Variants in NOS3 observed in about 807,000 individuals in gnomAD.
NOS3 encodes nitric oxide synthase 3, also known as NOS type III.
NOS3 carries 98 observed loss-of-function variants against 144.9 expected under a neutral mutation model. The observed-to-expected ratio is 0.68, with a 90% CI of 0.57 to 0.80. The LOEUF is 0.80. Ranked by LOEUF, NOS3 falls within the 30% of genes least tolerant of loss-of-function variation. NOS3 has a pLI of 0.00. For synonymous variants in NOS3, 714 were observed against 702.4 expected (o/e 1.02, Z -0.26); for missense variants, 1,465 against 1,656.4 (o/e 0.88, Z 2.01).
At position 151,003,986 on chromosome 7, in the gene NOS3, AGTAGAATTGGTAGGTCATAGG is replaced by A. The variant is rs1795167779; in HGVS notation, c.1752+1688_1752+1708del. ...TATTTCTCTTGGGTAAATACCTAGG[AGTAGAATTGGTAGGTCATAGG>A]GTAGATGCATGTTTAATCTTTCACT... is the stretch of plus-strand genomic sequence containing the variant. On this transcript the variant is annotated intron_variant, in intron 14 of 26. Transcript: ENST00000297494. This position sits in a 1 kb window ranked among gnomAD's most constrained non-coding sequence, Gnocchi z 4.1. 3.1e-6 allele frequency: 1 copy of A among 321,186 alleles called. No individual in the cohort carries two copies. Among genetic ancestry groups the A allele is most frequent in the African/African-American group, 2.2e-5 (1 of 45,248 alleles). The allele number at this position is 321,186 out of a possible 1,614,324, so 19.9% of individuals were successfully genotyped here. A position where few individuals can be genotyped will look rare whatever the true frequency, so the allele number is the denominator to read the frequency against.
At position 151,007,190 on chromosome 7, in the gene NOS3, G is replaced by A. The variant is rs1458506311; in HGVS notation, c.2026G>A (p.Gly676Arg). ...GGACACACGGCTGGAGGAACTGGGC[G>A]GGGAGCGGCTGCTGCAGCTGGGCCA... ...AVDTRLEELG[G>R]ERLLQLGQGD... Residue 676 changes from glycine to arginine, a missense_variant, in exon 17 of 27, where the codon GGG (glycine) becomes AGG (arginine). Transcript: ENST00000297494. The A allele has an allele frequency of 6.2e-7, 1 of 1,613,034 alleles. No individual in the cohort carries two copies. The highest frequency in any genetic ancestry group is 8.5e-7 in the Non-Finnish European group (1 of 1,179,898).
At chr7:150,997,200 G>T (rs1802450334) in intron 5 of NOS3, among the ~76,000 whole-genome samples, 1 of 151,726 alleles carries the variant, frequency 6.6e-6, no homozygotes, top group Non-Finnish European at 1.5e-5. Flanking sequence ...GGGTGAGGAA[G>T]TCTAGACCTG....
intron 1 of NOS3, among the ~76,000 whole-genome samples, chr7:150,992,126 G>A (rs1430438943): frequency 6.8e-6 from 1 of 146,822 alleles, no homozygotes; most frequent in Admixed American, 6.8e-5. Flanking sequence ...TCCAGCCTGG[G>A]TGACAGAGCA....
intron 9 of NOS3, 106 bp downstream of exon 9, chr7:150,999,470 TC>T: frequency 1.6e-6 from 2 of 1,266,122 alleles, no homozygotes; most frequent in Non-Finnish European, 2.2e-6. Context: ...TCAGAGCAGG[TC>T]CAGGGTTGCC....
chr7:151,006,870 C>G lies in NOS3; in HGVS notation c.1821-19C>G, dbSNP rs1795213928. ...CCCCAGGGCCCTGTGACAACCTTGTCTTTGTCCTCTCTTGCCAGGAGTTAT... is the reference window on the plus strand; with the variant it reads ...CCCCAGGGCCCTGTGACAACCTTGTGTTTGTCCTCTCTTGCCAGGAGTTAT... On this transcript the variant is annotated intron_variant, in intron 15 of 26. Transcript: ENST00000297494. The G allele has an allele frequency of 2.5e-6, 4 of 1,596,178 alleles. No individual in the cohort carries two copies. Among genetic ancestry groups the G allele is most frequent in the Non-Finnish European group, 3.4e-6 (4 of 1,164,430 alleles).
chr7:150,996,425 CGCTGCCTGGGCTCCCT>C lies in NOS3; in HGVS notation c.294_309del (p.Cys99TyrfsTer21). 1 of 1,494,150 alleles carries C rather than the reference CGCTGCCTGGGCTCCCT, an allele frequency of 6.7e-7. No individual in the cohort carries two copies. The highest frequency in any genetic ancestry group is 8.9e-7 in the Non-Finnish European group (1 of 1,117,322). The allele number at this position is 1,494,150 out of a possible 1,614,324, so 92.6% of individuals were successfully genotyped here. On this transcript the variant is annotated frameshift_variant, in exon 4 of 27. Transcript: ENST00000297494. LOFTEE classifies it high-confidence loss of function. The stretch of plus-strand genomic sequence containing the variant: ...CCAGGATGGGCCCTGCACCCCAAGA[CGCTGCCTGGGCTCCCT>C]GGTATTTCCACGGAAACTACAGGGC...
At chr7:150,995,651 T>C (rs1388933665) in intron 3 of NOS3, among the ~76,000 whole-genome samples, 2 of 222 alleles carry the variant, frequency 9.0e-3, no homozygotes, top group Admixed American at 0.036. Context: ...TGCACCCCTC[T>C]TCCCTCTCCC....
intron 5 of NOS3, among the ~76,000 whole-genome samples, chr7:150,997,506 G>A (rs760824940): frequency 1.1e-4 from 16 of 152,140 alleles, no homozygotes; most frequent in Non-Finnish European, 2.1e-4. Context: ...CCACAGACTC[G>A]GGGCTGGCCT....
chr7:151,003,923 G>A lies in NOS3; in HGVS notation c.1752+1619G>A. On this transcript the variant is annotated intron_variant, in intron 14 of 26. Transcript: ENST00000297494. The surrounding 1 kb of genome is among the most constrained non-coding windows in gnomAD (Gnocchi z 4.1). ...GGGCTATTATGAATAAACCTGTTATGAACATTCTTGTACCCGGCTTTTGTG... is the reference window on the plus strand; with the variant it reads ...GGGCTATTATGAATAAACCTGTTATAAACATTCTTGTACCCGGCTTTTGTG... 3 of 343,956 alleles carry A rather than the reference G, an allele frequency of 8.7e-6. No homozygotes were observed. Among genetic ancestry groups the A allele is most frequent in the South Asian group, 6.6e-5 (3 of 45,338 alleles). 21.3% of individuals were successfully genotyped at this position (343,956 alleles called of 1,614,324 possible).
intron 17 of NOS3, among the ~76,000 whole-genome samples, chr7:151,008,256 T>G (rs905249458): frequency 2.6e-5 from 4 of 151,928 alleles, no homozygotes; most frequent in Non-Finnish European, 5.9e-5. Context: ...AAGGAAGAGA[T>G]ATAAGACTTC....
intron 10 of NOS3, 33 bp downstream of exon 10, chr7:151,000,632 G>T (rs1177234094): frequency 6.9e-7 from 1 of 1,454,834 alleles, no homozygotes; most frequent in African/African-American, 1.4e-5. Flanking sequence ...GGAAGGCAAA[G>T]GGTTTGCATA....
At position 150,996,614 on chromosome 7, in the gene NOS3, C is replaced by T. The variant is rs144900574; in HGVS notation, c.419+62C>T. 593 of 1,535,334 alleles carry T rather than the reference C, an allele frequency of 3.9e-4. 1 individual carries two copies. In the African/African-American group the frequency reaches 6.4e-3, roughly 17 times the overall value. Reference sequence around the variant, plus strand: ...CACTGAGGCCCCAGAAACCCCGTGACGACCTTCCCATGACCCCCTCCCTTC... The same window carrying T: ...CACTGAGGCCCCAGAAACCCCGTGATGACCTTCCCATGACCCCCTCCCTTC... On this transcript the variant is annotated intron_variant, in intron 4 of 26. Transcript: ENST00000297494.
At position 151,001,965 on chromosome 7, in the gene NOS3, G is replaced by T. The variant is rs558556558; in HGVS notation, c.1647G>T (p.Arg549=). Reference sequence around the variant, plus strand: ...TCTTCCGGAAGGCTTTTGATCCCCGGGTAGGGCTGAGCCCAGGGGAGCAGG... The same window carrying T: ...TCTTCCGGAAGGCTTTTGATCCCCGTGTAGGGCTGAGCCCAGGGGAGCAGG... ...GRLFRKAFDP[R]VLCMDEYDVV... is the part of the protein sequence containing the mutation. Residue 549 remains arginine, a splice_region_variant and synonymous_variant, in exon 13 of 27, where the codon CGG becomes CGT. Transcript: ENST00000297494. The T allele has an allele frequency of 6.2e-7, 1 of 1,613,404 alleles. No individual in the cohort carries two copies. The highest frequency in any genetic ancestry group is 1.7e-5 in the Admixed American group (1 of 60,026).
At chr7:151,000,662 G>A (rs1795069581) in intron 10 of NOS3, 63 bp downstream of exon 10, 1 of 1,107,426 alleles carries the variant, frequency 9.0e-7, no homozygotes, top group Non-Finnish European at 1.4e-6. Context: ...CAGGGGCGGG[G>A]GATGGAGGAG....
chr7:151,002,444 ACACACAC>A lies in NOS3; in HGVS notation c.1752+141_1752+147del, dbSNP rs1795130402. The A allele has an allele frequency of 2.2e-6, 1 of 463,162 alleles. No homozygotes were observed. Among genetic ancestry groups the A allele is most frequent in the Non-Finnish European group, 3.9e-6 (1 of 258,090 alleles). 28.7% of individuals were successfully genotyped at this position (463,162 alleles called of 1,614,324 possible). ...CACACACACACACACACACACACACACACACACACGCCAGGATGGAAAGGGAGATGCT... is the reference window on the plus strand; with the variant it reads ...CACACACACACACACACACACACACAACGCCAGGATGGAAAGGGAGATGCT... On this transcript the variant is annotated intron_variant, in intron 14 of 26. Coordinates refer to ENST00000297494, the MANE Select transcript of NOS3 (RefSeq NM_000603.5). The surrounding 1 kb of genome is among the most constrained non-coding windows in gnomAD (Gnocchi z 4.1).
Position 151,010,827 on chromosome 7 carries a change from C to T in NOS3, c.2896+20C>T, listed in dbSNP as rs1795288257. On this transcript the variant is annotated intron_variant, in intron 22 of 26. Coordinates refer to ENST00000297494, the MANE Select transcript of NOS3 (RefSeq NM_000603.5). ...CTCAGGGTGAGGCAACAAGCAGGAG[C>T]AGGCCTGGCCACAGCAGGGTTGGGA... 1 of 1,606,758 alleles carries T rather than the reference C, an allele frequency of 6.2e-7. No homozygotes were observed. Among genetic ancestry groups the T allele is most frequent in the Non-Finnish European group, 8.5e-7 (1 of 1,176,188 alleles).
Position 151,012,412 on chromosome 7 carries a change from A to G in NOS3, c.3046A>G (p.Thr1016Ala). Residue 1016 changes from threonine (T) to alanine (A), a missense_variant, in exon 24 of 27, where the codon ACT becomes GCT. Physicochemically the swap from Thr to Ala is moderately conservative, Grantham distance 58. Coordinates refer to ENST00000297494, the MANE Select transcript of NOS3 (RefSeq NM_000603.5). ...SLPCILVGPG[T>A]GIAPFRGFWQ... ...GCCCTGCATCCTGGTGGGTCCAGGC[A>G]CTGGCATTGCCCCCTTCCGGGGATT... is the stretch of plus-strand genomic sequence containing the variant. The G allele has an allele frequency of 2.5e-6, 4 of 1,607,388 alleles. No homozygotes were observed. The highest frequency in any genetic ancestry group is 3.4e-6 in the Non-Finnish European group (4 of 1,177,614).
rs142886510 is a variant in NOS3, at chr7:151,014,119, G to A, written c.3562G>A (p.Ala1188Thr). 5.2e-5 allele frequency: 84 copies of A among 1,613,202 alleles called. No homozygotes were observed. In the African/African-American group the frequency reaches 9.7e-4, roughly 19 times the overall value. The change falls in exon 27 of 27, where the codon GCA (alanine) becomes ACA (threonine). Residue 1188 changes from alanine (A) to threonine (T), a missense_variant. Coordinates refer to ENST00000297494, the MANE Select transcript of NOS3 (RefSeq NM_000603.5). ...CTTGCAGGAGCGTCAGTTGCGGGGC[G>A]CAGTGCCCTGGGCGTTCGACCCTCC... Reference protein sequence around the residue: ...FSLQERQLRGAVPWAFDPPGS... With the variant: ...FSLQERQLRGTVPWAFDPPGS...
chr7:150,998,498 G>A lies in NOS3; in HGVS notation c.675-41G>A. On this transcript the variant is annotated intron_variant, in intron 6 of 26. Coordinates refer to ENST00000297494, the MANE Select transcript of NOS3 (RefSeq NM_000603.5). This position sits in a 1 kb window ranked among gnomAD's most constrained non-coding sequence, Gnocchi z 5.0. ...CCCCAGCCTTCTTCCCCAAGGCAGG[G>A]AAGGCGGGGCTCTGACCAGCTCTTT... 1 of 1,611,298 alleles carries A rather than the reference G, an allele frequency of 6.2e-7. No individual in the cohort carries two copies. Among genetic ancestry groups the A allele is most frequent in the Non-Finnish European group, 8.5e-7 (1 of 1,179,306 alleles).
Sources: gnomAD v4.1 joint callset for allele counts (sites outside exome capture counted in the v4.1 genomes callset) on GRCh38, gnomAD v4.1.1 for gene constraint, Gnocchi (gnomAD v3.1) non-coding constraint, MANE v1.5 for transcripts, NCBI Gene and HGNC (gene_info 2026-07-23, HGNC 2026-07-21) for gene names.